Variants in DLGAP1 observed in about 807,000 individuals in gnomAD.
The protein encoded by DLGAP1 is disks large-associated protein 1.
In DLGAP1, 11 loss-of-function variants were observed where a neutral mutation model predicts 90.8. That is an observed-to-expected ratio of 0.12 (90% CI 0.08 to 0.20). The LOEUF is 0.20. Ranked by LOEUF, DLGAP1 falls within the 10% of genes least tolerant of loss-of-function variation. The probability of loss-of-function intolerance (pLI) is 1.00; values close to 1 mark genes in which losing one functional copy is unlikely to be tolerated. For synonymous variants in DLGAP1, 558 were observed against 540.7 expected (o/e 1.03, Z -0.44); for missense variants, 1,050 against 1,333.8 (o/e 0.79, Z 3.31).
intron 1 of DLGAP1, among the ~76,000 whole-genome samples, chr18:4,374,263 A>G (rs2081974024): frequency 6.6e-6 from 1 of 152,180 alleles, no homozygotes; most frequent in Non-Finnish European, 1.5e-5. Flanking sequence ...CAAACACACA[A>G]AAAGAAAGGA....
chr18:3,877,587 C>T (rs983936484), intron 4 of DLGAP1, among the ~76,000 whole-genome samples: 1 of 152,152 alleles, frequency 6.6e-6, no homozygotes, highest in African/African-American at 2.4e-5. Flanking sequence ...TATCGAAATA[C>T]TTTACTTTCA....
chr18:4,004,566 A>C (rs1268140470), intron 3 of DLGAP1, among the ~76,000 whole-genome samples: 1 of 152,244 alleles, frequency 6.6e-6, no homozygotes, highest in Non-Finnish European at 1.5e-5. Flanking sequence ...GAAAAAAACA[A>C]AAAAGAAAAA....
At position 4,014,233 on chromosome 18, in the gene DLGAP1, G is replaced by A. The variant is rs751992667; in HGVS notation, c.-158-9032C>T. 1.1e-4 allele frequency among the ~76,000 whole-genome samples: 16 copies of A among 151,888 alleles called. No individual in the cohort carries two copies. In the South Asian group the frequency reaches 1.9e-3, roughly 18 times the overall value. Reference sequence around the variant, plus strand: ...CCCGAGTAGCTGGGACTACAGGTGCGCACCACCACACCCAGCTAATTTCTG... The same window carrying A: ...CCCGAGTAGCTGGGACTACAGGTGCACACCACCACACCCAGCTAATTTCTG... On this transcript the variant is annotated intron_variant, in intron 2 of 12. Transcript: ENST00000315677.
Position 3,600,951 on chromosome 18 carries a change from GAT to G in DLGAP1, c.1592-18705_1592-18704del, listed in dbSNP as rs1222175926. ...ATATAGATATATAGATAGATATATA[GAT>G]ATATATAGATATATAGATAGATATA... On this transcript the variant is annotated intron_variant, in intron 7 of 12. Coordinates refer to ENST00000315677, the MANE Select transcript of DLGAP1 (RefSeq NM_004746.4). Among the ~76,000 whole-genome samples the G allele has an allele frequency of 1.8e-4, 11 of 59,470 alleles. 1 individual carries two copies. The highest frequency in any genetic ancestry group is 6.6e-4 in the East Asian group (2 of 3,008). 39.0% of individuals were successfully genotyped at this position (59,470 alleles called of 152,430 possible).
At chr18:3,633,066 G>C (rs1433914533) in intron 7 of DLGAP1, among the ~76,000 whole-genome samples, 1 of 152,120 alleles carries the variant, frequency 6.6e-6, no homozygotes, top group Non-Finnish European at 1.5e-5. Flanking sequence ...CAAGTTTTGG[G>C]CTTTAAAGTC....
At position 3,775,289 on chromosome 18, in the gene DLGAP1, C is replaced by T. The variant is rs186060290; in HGVS notation, c.1173-32777G>A. On this transcript the variant is annotated intron_variant, in intron 5 of 12. Transcript: ENST00000315677. This position sits in a 1 kb window ranked among gnomAD's most constrained non-coding sequence, Gnocchi z 4.9. ...TATGGTTTGGCTTTGTGTCCCCACACAAATCTCATGTCAAATTGTCATCCT... is the reference window on the plus strand; with the variant it reads ...TATGGTTTGGCTTTGTGTCCCCACATAAATCTCATGTCAAATTGTCATCCT... 6.6e-6 allele frequency among the ~76,000 whole-genome samples: 1 copy of T among 152,212 alleles called. No individual in the cohort carries two copies. The highest frequency in any genetic ancestry group is 2.4e-5 in the African/African-American group (1 of 41,460).
chr18:4,231,673 C>G (rs1203756900), intron 1 of DLGAP1, among the ~76,000 whole-genome samples: 1 of 152,010 alleles, frequency 6.6e-6, no homozygotes, highest in Admixed American at 6.6e-5. Context: ...CCTCCCATAT[C>G]CTCTATTTCT....
intron 1 of DLGAP1, among the ~76,000 whole-genome samples, chr18:4,325,240 G>A (rs2080790973): frequency 6.6e-6 from 1 of 152,020 alleles, no homozygotes; most frequent in African/African-American, 2.4e-5. Context: ...GCCAAATCAG[G>A]AACACAATCC....
intron 5 of DLGAP1, among the ~76,000 whole-genome samples, chr18:3,750,556 G>A (rs985804567): frequency 6.6e-6 from 1 of 152,072 alleles, no homozygotes. Context: ...AGCACTTCTT[G>A]GTCTACTGCT....
At position 4,089,845 on chromosome 18, in the gene DLGAP1, A is replaced by G. The variant is rs2143732655; in HGVS notation, c.-159+61335T>C. Among the ~76,000 whole-genome samples the G allele has an allele frequency of 2.6e-5, 4 of 152,298 alleles. 1 individual carries two copies. In the South Asian group the frequency reaches 8.3e-4, roughly 32 times the overall value. On this transcript the variant is annotated intron_variant, in intron 2 of 12. Transcript: ENST00000315677. ...CGGATCACGAGGTCAGGAGATCGAG[A>G]CCATCCTGGCTAACACGGTGAAACC...
intron 2 of DLGAP1, among the ~76,000 whole-genome samples, chr18:4,137,549 A>G (rs915843077): frequency 9.2e-5 from 14 of 152,168 alleles, no homozygotes; most frequent in South Asian, 4.1e-4. Flanking sequence ...TAAAATTTGA[A>G]GTCAGGTAAT....
chr18:3,600,742 A>C (rs1599461570), intron 7 of DLGAP1, among the ~76,000 whole-genome samples: 1 of 57,552 alleles, frequency 1.7e-5, no homozygotes, highest in East Asian at 4.7e-4. Flanking sequence ...ATATATAGAT[A>C]TATAGATATA....
chr18:4,052,653 T>C (rs1445207580), intron 2 of DLGAP1, among the ~76,000 whole-genome samples: 1 of 152,214 alleles, frequency 6.6e-6, no homozygotes, highest in Non-Finnish European at 1.5e-5. Flanking sequence ...GACTCCTCAT[T>C]ACTTATGTGA....
At chr18:3,659,931 G>T (rs1195003271) in intron 7 of DLGAP1, among the ~76,000 whole-genome samples, 3 of 152,074 alleles carry the variant, frequency 2.0e-5, no homozygotes, top group Admixed American at 2.0e-4. Context: ...TTAGCCACAT[G>T]GTTTCTTTCT....
At chr18:3,553,310 T>C (rs930481757) in intron 9 of DLGAP1, among the ~76,000 whole-genome samples, 13 of 152,364 alleles carry the variant, frequency 8.5e-5, no homozygotes, top group African/African-American at 3.1e-4. Context: ...ACTCTTTAAA[T>C]GTTCGTGGAA....
intron 5 of DLGAP1, among the ~76,000 whole-genome samples, chr18:3,757,280 C>A (rs546283210): frequency 1.3e-5 from 2 of 152,126 alleles, no homozygotes; most frequent in Non-Finnish European, 2.9e-5. Context: ...TGGTGGCATG[C>A]GCCTGTAGTC....
At chr18:4,154,416 T>A (rs1211243625) in intron 1 of DLGAP1, among the ~76,000 whole-genome samples, 1 of 152,108 alleles carries the variant, frequency 6.6e-6, no homozygotes, top group Non-Finnish European at 1.5e-5. Flanking sequence ...TTTGTTTCTG[T>A]AACTCTGCAG....
chr18:4,134,977 C>A (rs2076377013), intron 2 of DLGAP1, among the ~76,000 whole-genome samples: 1 of 151,946 alleles, frequency 6.6e-6, no homozygotes, highest in Non-Finnish European at 1.5e-5. Context: ...ATGCAAAAAG[C>A]CCCACAGAAT....
At chr18:3,596,920 T>A (rs1158565410) in intron 7 of DLGAP1, 1 of 520,080 alleles carries the variant, frequency 1.9e-6, no homozygotes. Flanking sequence ...AATCCTAATC[T>A]ACCATTCTCT....
Sources: gnomAD v4.1 joint callset for allele counts (sites outside exome capture counted in the v4.1 genomes callset) on GRCh38, gnomAD v4.1.1 for gene constraint, Gnocchi (gnomAD v3.1) non-coding constraint, MANE v1.5 for transcripts, NCBI Gene and HGNC (gene_info 2026-07-23, HGNC 2026-07-21) for gene names.